The following MYPOP variants were observed in gnomAD, a reference collection of about 807,000 sequenced individuals.
MYPOP encodes the protein Myb related transcription factor, partner of profilin, also known as myb-related transcription factor, partner of profilin.
A neutral mutation model predicts 25.7 loss-of-function variants in MYPOP; 21 were observed. The observed-to-expected ratio is 0.82, with a 90% CI of 0.58 to 1.18. The LOEUF (loss-of-function observed/expected upper bound fraction) is 1.18. Among genes scored for constraint, MYPOP ranks in the 50% most tolerant of loss-of-function variants. The pLI is 0.00. For synonymous variants in MYPOP, 280 were observed against 247.9 expected (o/e 1.13, Z -1.22); for missense variants, 566 against 588.3 (o/e 0.96, Z 0.39).
intron 2 of MYPOP, among the ~76,000 whole-genome samples, chr19:45,898,173 C>T (rs1967234505): frequency 6.6e-6 from 1 of 152,058 alleles, no homozygotes; most frequent in Non-Finnish European, 1.5e-5. Flanking sequence ...GATCCGCCCG[C>T]CTTGGCCTCC....
In MYPOP at chr19:45,901,904, A is replaced by C; in HGVS notation, c.-52-79T>G. 1 of 714,436 alleles carries C rather than the reference A, an allele frequency of 1.4e-6. No homozygotes were observed. The highest frequency in any genetic ancestry group is 1.9e-6 in the Non-Finnish European group (1 of 521,106). The allele number at this position is 714,436 out of a possible 1,614,324, so 44.3% of individuals were successfully genotyped here. ...GCCTCTCCCAGACCGCCGGGCCGAGAGCTCCTTAGTCCCCGGGGGCAGGAG... is the reference window on the plus strand; with the variant it reads ...GCCTCTCCCAGACCGCCGGGCCGAGCGCTCCTTAGTCCCCGGGGGCAGGAG... On this transcript the variant is annotated intron_variant, in intron 1 of 2. Coordinates refer to ENST00000322217, the MANE Select transcript of MYPOP (RefSeq NM_001012643.4). The surrounding 1 kb of genome is among the most constrained non-coding windows in gnomAD (Gnocchi z 5.7).
At chr19:45,894,704 T>C (rs1164854833) in intron 2 of MYPOP, among the ~76,000 whole-genome samples, 1 of 151,620 alleles carries the variant, frequency 6.6e-6, no homozygotes, top group East Asian at 1.9e-4. Flanking sequence ...GCCATATATA[T>C]ATACATTTTT....
At chr19:45,900,463 C>T (rs1264092727) in intron 2 of MYPOP, among the ~76,000 whole-genome samples, 5 of 136,910 alleles carry the variant, frequency 3.7e-5, no homozygotes, top group Non-Finnish European at 6.3e-5. Context: ...CCCCCCCCAC[C>T]GAAATCAGAA....
intron 2 of MYPOP, among the ~76,000 whole-genome samples, chr19:45,900,397 C>T (rs1227972253): frequency 6.6e-6 from 1 of 152,052 alleles, no homozygotes; most frequent in Non-Finnish European, 1.5e-5. Context: ...TTCATTCTTA[C>T]TCTTTGCATC....
intron 2 of MYPOP, among the ~76,000 whole-genome samples, chr19:45,900,453 C>T (rs1259011775): frequency 8.1e-6 from 1 of 124,074 alleles, no homozygotes; most frequent in Non-Finnish European, 1.7e-5. Flanking sequence ...TGGACCACCC[C>T]CCCCCCCACC....
rs200702671 is a variant in MYPOP at position 45,890,781 on chromosome 19, C to T, written c.1042G>A (p.Ala348Thr). The change falls in exon 3 of 3, where the codon GCA becomes ACA. Residue 348 changes from alanine (A) to threonine (T), a missense_variant. Transcript: ENST00000322217. ...VSVVAAVVDG[A>T]VVAARGVIIA... ...ATCACTCCCCTGGCTGCCACCACTG[C>T]CCCGTCCACCACAGCAGCCACCACG... The T allele has an allele frequency of 1.8e-5, 28 of 1,515,916 alleles. No individual in the cohort carries two copies. In the East Asian group the frequency reaches 6.2e-4, roughly 34 times the overall value. 93.9% of individuals were successfully genotyped at this position (1,515,916 alleles called of 1,614,324 possible).
intron 2 of MYPOP, among the ~76,000 whole-genome samples, chr19:45,893,076 C>A (rs1319553066): frequency 6.6e-6 from 1 of 151,908 alleles, no homozygotes; most frequent in Non-Finnish European, 1.5e-5. Context: ...GACTTCAAGA[C>A]CAGCCTGGTC....
Position 45,890,655 on chromosome 19 carries a change from G to A in MYPOP, c.1168C>T (p.Arg390Trp), listed in dbSNP as rs755174438. Reference sequence around the variant, plus strand: ...GATTTCCATCGGCCGCGCCTTTTCCGTGTAGGGAAACCTTTTCTCCGCTTG... The same window carrying A: ...GATTTCCATCGGCCGCGCCTTTTCCATGTAGGGAAACCTTTTCTCCGCTTG... Reference protein sequence around the residue: ...PHKRRKGFPTRKRRGRWKSP With the variant: ...PHKRRKGFPTWKRRGRWKSP Residue 390 changes from arginine (R) to tryptophan (W), a missense_variant, in exon 3 of 3, where the codon CGG (arginine) becomes TGG (tryptophan). Arg to Trp is a moderately radical substitution (Grantham distance 101). Transcript: ENST00000322217. 7.5e-6 allele frequency: 12 copies of A among 1,609,776 alleles called. No homozygotes were observed. Among genetic ancestry groups the A allele is most frequent in the African/African-American group, 2.7e-5 (2 of 74,098 alleles).
intron 2 of MYPOP, among the ~76,000 whole-genome samples, chr19:45,892,678 C>T (rs1003427481): frequency 4.6e-5 from 7 of 152,128 alleles, no homozygotes; most frequent in African/African-American, 1.7e-4. Context: ...AACACCTTCA[C>T]TGTTTTGTTT....
chr19:45,898,856 C>T (rs1189638985), intron 2 of MYPOP, among the ~76,000 whole-genome samples: 1 of 152,132 alleles, frequency 6.6e-6, no homozygotes. Context: ...CTTATTTATC[C>T]TCTTAGTTCT....
At chr19:45,894,629 T>C (rs75480774) in intron 2 of MYPOP, among the ~76,000 whole-genome samples, 19,742 of 152,036 alleles carry the variant, frequency 0.13, 1,374 homozygotes, top group African/African-American at 0.17. Flanking sequence ...TCAGGCTGGT[T>C]TCAAACTCCT....
At chr19:45,893,075 A>T (rs1967148266) in intron 2 of MYPOP, among the ~76,000 whole-genome samples, 1 of 151,262 alleles carries the variant, frequency 6.6e-6, no homozygotes, top group African/African-American at 2.4e-5. Flanking sequence ...GGACTTCAAG[A>T]CCAGCCTGGT....
intron 2 of MYPOP, among the ~76,000 whole-genome samples, chr19:45,898,861 A>C (rs550808765): frequency 6.6e-6 from 1 of 152,120 alleles, no homozygotes; most frequent in African/African-American, 2.4e-5. Flanking sequence ...TTATCCTCTT[A>C]GTTCTCACCA....
In MYPOP at chr19:45,901,602, C is replaced by T. The variant is rs1411896723; in HGVS notation, c.172G>A (p.Gly58Ser). 2 of 1,610,674 alleles carry T rather than the reference C, an allele frequency of 1.2e-6. No homozygotes were observed. The highest frequency in any genetic ancestry group is 1.3e-5 in the African/African-American group (1 of 74,852). The change falls in exon 2 of 3, where the codon GGC (glycine) becomes AGC (serine). Residue 58 changes from glycine (G) to serine (S), a missense_variant. Transcript: ENST00000322217. This position sits in a 1 kb window ranked among gnomAD's most constrained non-coding sequence, Gnocchi z 5.7. ...ATACCGTTGATCTTGGCGGCGATGC[C>T]GTCCCACACGCGCCGCCGCTCTGCC... ...SVAERRRVWDGIAAKINGITS... is the reference protein window; with the variant it reads ...SVAERRRVWDSIAAKINGITS...
rs1967118389 is a variant in MYPOP, at chr19:45,891,175, C to T, written c.648G>A (p.Leu216=). The change falls in exon 3 of 3, where the codon CTG becomes CTA. Residue 216 remains leucine, a synonymous_variant. Coordinates refer to ENST00000322217, the MANE Select transcript of MYPOP (RefSeq NM_001012643.4). ...SALQPVQLPR[L]ALSPPPPAPP... Reference sequence around the variant, plus strand: ...GGGCTGGGGGTGGTGGAGACAAGGCCAGGCGAGGCAGCTGGACCGGCTGCA... The same window carrying T: ...GGGCTGGGGGTGGTGGAGACAAGGCTAGGCGAGGCAGCTGGACCGGCTGCA... The T allele has an allele frequency of 2.0e-6, 3 of 1,523,898 alleles. No individual in the cohort carries two copies. Among genetic ancestry groups the T allele is most frequent in the Non-Finnish European group, 2.6e-6 (3 of 1,140,238 alleles). The allele number at this position is 1,523,898 out of a possible 1,614,324, so 94.4% of individuals were successfully genotyped here.
At chr19:45,894,037 C>A (rs1233849591) in intron 2 of MYPOP, among the ~76,000 whole-genome samples, 4 of 151,248 alleles carry the variant, frequency 2.6e-5, no homozygotes, top group Non-Finnish European at 5.9e-5. Context: ...GATCTGCCCA[C>A]CTCAGCCTCC....
At position 45,901,612 on chromosome 19, in the gene MYPOP, G is replaced by A; in HGVS notation, c.162C>T (p.Arg54=). Residue 54 remains arginine, a synonymous_variant, in exon 2 of 3, where the codon CGC becomes CGT. Coordinates refer to ENST00000322217, the MANE Select transcript of MYPOP (RefSeq NM_001012643.4). This position sits in a 1 kb window ranked among gnomAD's most constrained non-coding sequence, Gnocchi z 5.7. ...SRRVSVAERR[R]VWDGIAAKIN... is the part of the protein sequence containing the mutation. ...TCTTGGCGGCGATGCCGTCCCACAC[G>A]CGCCGCCGCTCTGCCACGCTCACCC... 1 of 1,610,352 alleles carries A rather than the reference G, an allele frequency of 6.2e-7. No homozygotes were observed. The highest frequency in any genetic ancestry group is 8.5e-7 in the Non-Finnish European group (1 of 1,179,182).
In MYPOP at chr19:45,890,721, G is replaced by GGGGGGC; in HGVS notation, c.1101_1102insGCCCCC (p.Arg367_Pro368insAlaPro). 7.0e-7 allele frequency: 1 copy of GGGGGGC among 1,418,516 alleles called. No individual in the cohort carries two copies. The highest frequency in any genetic ancestry group is 9.7e-7 in the Non-Finnish European group (1 of 1,026,518). The allele number at this position is 1,418,516 out of a possible 1,614,324, so 87.9% of individuals were successfully genotyped here. On this transcript the variant is annotated inframe_insertion, in exon 3 of 3. Coordinates refer to ENST00000322217, the MANE Select transcript of MYPOP (RefSeq NM_001012643.4). ...TGCGGAGGGAGCGGGGCTGGGGGGG[G>GGGGGGC]CCGGGGTGCCCCCTCCTCGCTCCTT... is the stretch of plus-strand genomic sequence containing the variant.
chr19:45,896,215 C>T (rs1321431909), intron 2 of MYPOP, among the ~76,000 whole-genome samples: 1 of 152,164 alleles, frequency 6.6e-6, no homozygotes, highest in Non-Finnish European at 1.5e-5. Context: ...CGCTTGAACC[C>T]TGGAGGCCGA....
Sources: allele counts gnomAD v4.1 joint callset (sites outside exome capture counted in the v4.1 genomes callset), GRCh38; gene constraint gnomAD v4.1.1; non-coding constraint Gnocchi (gnomAD v3.1); transcripts MANE v1.5; gene names NCBI Gene and HGNC (gene_info 2026-07-23, HGNC 2026-07-21).